Variants in DLG2 observed in about 807,000 individuals in gnomAD.
DLG2 encodes discs large MAGUK scaffold protein 2, also known as disks large homolog 2.
DLG2 carries 45 observed loss-of-function variants against 132.5 expected under a neutral mutation model. That is an observed-to-expected ratio of 0.34 (90% CI 0.27 to 0.44). The LOEUF is 0.44. Among genes scored for constraint, DLG2 ranks in the 20% least tolerant of loss-of-function variants. The probability of loss-of-function intolerance (pLI) is 1.00; values close to 1 mark genes in which losing one functional copy is unlikely to be tolerated. For synonymous variants in DLG2, 424 were observed against 419.6 expected, an observed-to-expected ratio of 1.01 and a Z score of -0.13; for missense variants, 1,045 against 1,196.9, an observed-to-expected ratio of 0.87 and a Z score of 1.87.
intron 6 of DLG2, among the ~76,000 whole-genome samples, chr11:84,789,058 A>T (rs562046269): frequency 1.3e-5 from 2 of 152,224 alleles, no homozygotes; most frequent in Non-Finnish European, 2.9e-5. Context: ...AAAGAGAGAC[A>T]TGCAAAAGAA....
chr11:83,536,495 G>C (rs1032351170), intron 20 of DLG2, among the ~76,000 whole-genome samples: 4 of 151,858 alleles, frequency 2.6e-5, no homozygotes, highest in South Asian at 2.1e-4. Flanking sequence ...GCTCTTTCTG[G>C]GATGCATGTG....
At chr11:85,231,039 T>A (rs956374955) in intron 4 of DLG2, among the ~76,000 whole-genome samples, 1 of 152,016 alleles carries the variant, frequency 6.6e-6, no homozygotes, top group Non-Finnish European at 1.5e-5. Flanking sequence ...ATTTATTAGT[T>A]ACCAAGTCTA....
intron 6 of DLG2, among the ~76,000 whole-genome samples, chr11:84,882,290 A>G (rs2087469247): frequency 6.6e-6 from 1 of 151,818 alleles, no homozygotes; most frequent in African/African-American, 2.4e-5. Flanking sequence ...TTGTGGGGAA[A>G]GGGTTTGTGA....
At chr11:83,857,346 C>T (rs2060692389) in intron 16 of DLG2, among the ~76,000 whole-genome samples, 1 of 152,050 alleles carries the variant, frequency 6.6e-6, no homozygotes, top group African/African-American at 2.4e-5. Flanking sequence ...TTTTCTAGTT[C>T]TGTGAAGAAT....
intron 6 of DLG2, among the ~76,000 whole-genome samples, chr11:85,096,477 C>T (rs182009139): frequency 2.4e-3 from 362 of 151,918 alleles, no homozygotes; most frequent in African/African-American, 8.3e-3. Flanking sequence ...CTGAAGTCAC[C>T]GAGACCACAA....
In DLG2 at chr11:84,603,429, A is replaced by T. The variant is rs528210350; in HGVS notation, c.358-68698T>A. 2.8e-4 allele frequency among the ~76,000 whole-genome samples: 43 copies of T among 152,092 alleles called. 1 individual carries two copies. The South Asian group carries it at 8.9e-3, about 32-fold the overall frequency. ...GCAAGCCATTTACCTCTAGATCTCA[A>T]TTTGCTCATCTGTAGAAGCAGGTAT... On this transcript the variant is annotated intron_variant, in intron 6 of 27. Transcript: ENST00000376104.
At chr11:85,399,609 C>G (rs925700979) in intron 3 of DLG2, among the ~76,000 whole-genome samples, 9 of 151,904 alleles carry the variant, frequency 5.9e-5, no homozygotes, top group South Asian at 2.1e-4. Context: ...TAGAACAGAG[C>G]CCTCAGAAAT....
At chr11:84,286,700 C>T (rs1354235774) in intron 7 of DLG2, among the ~76,000 whole-genome samples, 2 of 152,058 alleles carry the variant, frequency 1.3e-5, no homozygotes, top group South Asian at 2.1e-4. Context: ...TTTCAATAGC[C>T]TAAGGGCCAT....
chr11:84,469,458 C>T (rs954145013), intron 7 of DLG2, among the ~76,000 whole-genome samples: 11 of 151,574 alleles, frequency 7.3e-5, no homozygotes, highest in Admixed American at 2.0e-4. Context: ...CCTTTAAAGC[C>T]TCAGCAAAAA....
At chr11:83,883,080 G>A (rs1326901486) in intron 15 of DLG2, among the ~76,000 whole-genome samples, 1 of 152,046 alleles carries the variant, frequency 6.6e-6, no homozygotes, top group Non-Finnish European at 1.5e-5. Flanking sequence ...TTTCTTAATT[G>A]CCCACAATTT....
At chr11:85,293,330 G>A (rs2079027930) in intron 3 of DLG2, among the ~76,000 whole-genome samples, 1 of 152,160 alleles carries the variant, frequency 6.6e-6, no homozygotes, top group Non-Finnish European at 1.5e-5. Context: ...GGCGAACGCA[G>A]GAGATAGGAG....
At chr11:83,656,385 A>G (rs1446112504) in intron 18 of DLG2, among the ~76,000 whole-genome samples, 1 of 152,174 alleles carries the variant, frequency 6.6e-6, no homozygotes, top group Non-Finnish European at 1.5e-5. Flanking sequence ...GGTCCTGGTC[A>G]GATTTCTCTC....
chr11:84,911,024 T>C (rs752765950), intron 6 of DLG2, among the ~76,000 whole-genome samples: 5 of 152,170 alleles, frequency 3.3e-5, no homozygotes, highest in Non-Finnish European at 7.3e-5. Context: ...AAGGTAAATA[T>C]TTTTCTGTAC....
intron 3 of DLG2, among the ~76,000 whole-genome samples, chr11:85,309,668 G>A (rs933370694): frequency 3.3e-5 from 5 of 152,074 alleles, no homozygotes; most frequent in African/African-American, 1.2e-4. Flanking sequence ...CATCACTAGA[G>A]ACACACAAAT....
chr11:83,513,768 C>A (rs1190380214), intron 21 of DLG2, among the ~76,000 whole-genome samples: 5 of 152,164 alleles, frequency 3.3e-5, no homozygotes, highest in Non-Finnish European at 7.3e-5. Flanking sequence ...TGTCTCAGCA[C>A]CATTTATTAA....
rs551133865 is a variant in DLG2, at chr11:83,932,494, A to G, written c.1341-2011T>C. Among the ~76,000 whole-genome samples, 7 of 152,068 alleles carry G rather than the reference A, an allele frequency of 4.6e-5. No homozygotes were observed. The East Asian group carries it at 1.4e-3, about 29-fold the overall frequency. On this transcript the variant is annotated intron_variant, in intron 14 of 27. Transcript: ENST00000376104. ...CATGATCTGCCTGCCTCTGCCTCCC[A>G]AAGTGCTGGGATTACAGGCGTGAGC...
At chr11:84,890,478 G>A (rs970227754) in intron 6 of DLG2, among the ~76,000 whole-genome samples, 4 of 152,118 alleles carry the variant, frequency 2.6e-5, no homozygotes, top group African/African-American at 9.7e-5. Context: ...TGCCAATTCT[G>A]TACCTATCTG....
intron 15 of DLG2, among the ~76,000 whole-genome samples, chr11:83,896,801 T>C (rs970131695): frequency 2.0e-5 from 3 of 152,208 alleles, no homozygotes; most frequent in Non-Finnish European, 4.4e-5. Flanking sequence ...CTAAGCATTA[T>C]TGAATTATAC....
intron 9 of DLG2, among the ~76,000 whole-genome samples, chr11:84,142,270 G>C (rs865799534): frequency 6.8e-6 from 1 of 146,252 alleles, no homozygotes; most frequent in African/African-American, 2.5e-5. Context: ...GCAGTGAGCC[G>C]AGATCGCTCC....
Sources: gnomAD v4.1 joint callset for allele counts (sites outside exome capture counted in the v4.1 genomes callset) on GRCh38, gnomAD v4.1.1 for gene constraint, MANE v1.5 for transcripts, NCBI Gene and HGNC (gene_info 2026-07-23, HGNC 2026-07-21) for gene names.